The following SCN1A variants were observed in gnomAD, a reference collection of about 807,000 sequenced individuals.
The protein encoded by SCN1A is sodium voltage-gated channel alpha subunit 1, also known as sodium channel protein type 1 subunit alpha.
In SCN1A, 13 loss-of-function variants were observed where a neutral mutation model predicts 193.7. That is an observed-to-expected ratio of 0.07 (90% CI 0.04 to 0.11). SCN1A has a LOEUF of 0.11. Ranked by LOEUF, SCN1A falls within the 10% of genes least tolerant of loss-of-function variation. SCN1A has a pLI of 1.00. For missense variants in SCN1A, 1,432 were observed against 2,451.1 expected, an observed-to-expected ratio of 0.58 and a Z score of 8.78; for synonymous variants, 781 against 843.6, an observed-to-expected ratio of 0.93 and a Z score of 1.29.
At chr2:166,095,970 C>T (rs1054472461) in intron 2 of SCN1A, among the ~76,000 whole-genome samples, 3 of 152,114 alleles carry the variant, frequency 2.0e-5, no homozygotes, top group African/African-American at 7.2e-5. Context: ...CAATATGATA[C>T]AGATGAATAA....
At chr2:166,141,299 C>T (rs569516567) in intron 1 of SCN1A, among the ~76,000 whole-genome samples, 26 of 88,194 alleles carry the variant, frequency 2.9e-4, no homozygotes, top group African/African-American at 1.5e-3. Flanking sequence ...CAGTGGCAAT[C>T]GCTGTTAATT....
At chr2:165,985,777 T>G (rs772944520), downstream of SCN1A, 1 of 152,184 alleles carries the variant, frequency 6.6e-6, no homozygotes, top group African/African-American at 2.4e-5. Context: ...GATATTTCCA[T>G]GTGCCAGGAA....
intron 2 of SCN1A, among the ~76,000 whole-genome samples, chr2:166,124,069 T>A (rs1487903717): frequency 1.3e-5 from 2 of 152,192 alleles, no homozygotes. Flanking sequence ...TATCTTGCAG[T>A]ATTTTTCTTC....
intron 23 of SCN1A, among the ~76,000 whole-genome samples, chr2:166,003,844 T>C (rs542250876): frequency 1.2e-3 from 175 of 147,096 alleles, no homozygotes; most frequent in African/African-American, 4.1e-3. Context: ...GATGCCAGTG[T>C]ATTTTTAGAA....
intron 2 of SCN1A, chr2:166,081,698 TGGTTC>T (rs1277598194): frequency 6.6e-5 from 10 of 151,906 alleles, no homozygotes; most frequent in Admixed American, 2.0e-4. Flanking sequence ...TGAGATTTTT[TGGTTC>T]AATAATGTCC....
intron 2 of SCN1A, among the ~76,000 whole-genome samples, chr2:166,080,357 C>G (rs1169804258): frequency 6.6e-6 from 1 of 151,740 alleles, no homozygotes; most frequent in Non-Finnish European, 1.5e-5. Context: ...ACTTTCCTAA[C>G]AAGAGAAGAC....
Position 166,140,348 on chromosome 2 carries a change from G to A in SCN1A, c.-50+8699C>T, listed in dbSNP as rs73972814. ...ATTACATCACATTAAGCTCATATAA[G>A]GACATAATGGGGGAGAGACATTTCT... On this transcript the variant is annotated intron_variant, in intron 1 of 26. Transcript: ENST00000635750. Among the ~76,000 whole-genome samples, 421 of 152,224 alleles carry A rather than the reference G, an allele frequency of 2.8e-3. 2 individuals carry two copies. The highest frequency in any genetic ancestry group is 9.3e-3 in the African/African-American group (388 of 41,540).
chr2:166,051,621 T>C (rs1043233905), intron 9 of SCN1A, 98 bp downstream of exon 9: 1 of 932,098 alleles, frequency 1.1e-6, no homozygotes, highest in Non-Finnish European at 1.6e-6. Flanking sequence ...AATCACATCA[T>C]GTAAAATGGG....
At chr2:166,142,095 T>C (rs1008255266) in intron 1 of SCN1A, among the ~76,000 whole-genome samples, 3 of 152,126 alleles carry the variant, frequency 2.0e-5, no homozygotes, top group African/African-American at 7.2e-5. Context: ...GAAGAGGAGA[T>C]ACATGTAGGA....
intron 2 of SCN1A, among the ~76,000 whole-genome samples, chr2:166,117,490 A>G (rs1689995142): frequency 6.6e-6 from 1 of 152,242 alleles, no homozygotes; most frequent in South Asian, 2.1e-4. Context: ...ACAGTGAAGA[A>G]TACAATGACA....
chr2:166,087,720 A>C (rs1686299025), intron 2 of SCN1A, among the ~76,000 whole-genome samples: 1 of 152,228 alleles, frequency 6.6e-6, no homozygotes, highest in Non-Finnish European at 1.5e-5. Flanking sequence ...TGGACTAAGA[A>C]ACATGGTCTA....
chr2:166,045,016 G>A, intron 13 of SCN1A, 27 bp downstream of exon 13: 1 of 1,611,826 alleles, frequency 6.2e-7, no homozygotes, highest in Middle Eastern at 1.6e-4. Flanking sequence ...TTTCAACCAT[G>A]CATCAGTAAA....
chr2:166,006,896 C>T (rs1388594317), intron 23 of SCN1A, among the ~76,000 whole-genome samples: 1 of 151,092 alleles, frequency 6.6e-6, no homozygotes, highest in Non-Finnish European at 1.5e-5. Context: ...ATTGTTTTTT[C>T]ACATAATCAT....
In SCN1A at chr2:165,992,403, C is replaced by T. The variant is rs142910512; in HGVS notation, c.4872G>A (p.Leu1624=). ...TAGGGGACACGAAATACTTTTCTAT[C>T]AGCTCGGCAAGAAACATACCTATGA... ...LSIVGMFLAE[L]IEKYFVSPTL... Residue 1624 remains leucine (L), a synonymous_variant, in exon 29 of 29, where the codon CTG becomes CTA. Transcript: ENST00000674923. This position sits in a 1 kb window ranked among gnomAD's most constrained non-coding sequence, Gnocchi z 6.5. The T allele has an allele frequency of 1.7e-4, 279 of 1,613,546 alleles. No individual in the cohort carries two copies. The highest frequency in any genetic ancestry group is 1.1e-3 in the Admixed American group (68 of 59,950).
At chr2:166,001,097 T>C (rs932897575) in intron 24 of SCN1A, among the ~76,000 whole-genome samples, 2 of 151,798 alleles carry the variant, frequency 1.3e-5, no homozygotes, top group Admixed American at 1.3e-4. Context: ...CAAATAAATA[T>C]CATCATGTGT....
In SCN1A at chr2:166,012,483, A is replaced by G. The variant is rs558893057; in HGVS notation, c.3706-201T>C. Among the ~76,000 whole-genome samples the G allele has an allele frequency of 1.4e-4, 21 of 151,294 alleles. No homozygotes were observed. In the East Asian group the frequency reaches 3.7e-3, roughly 27 times the overall value. ...AAAGACTATTGGTGGAAGAAAAAGAAAAGTATGATTCCAATGAATTAATTT... is the reference window on the plus strand; with the variant it reads ...AAAGACTATTGGTGGAAGAAAAAGAGAAGTATGATTCCAATGAATTAATTT... On this transcript the variant is annotated intron_variant, in intron 21 of 28. Coordinates refer to ENST00000674923, the MANE Select transcript of SCN1A (RefSeq NM_001165963.4).
At chr2:166,104,791 G>A (rs1290730538) in intron 2 of SCN1A, among the ~76,000 whole-genome samples, 11 of 152,180 alleles carry the variant, frequency 7.2e-5, no homozygotes, top group Admixed American at 1.3e-4. Flanking sequence ...CTATGAGACC[G>A]CCAAATGATA....
intron 2 of SCN1A, among the ~76,000 whole-genome samples, chr2:166,098,941 C>T (rs1367712138): frequency 2.6e-5 from 4 of 152,140 alleles, no homozygotes; most frequent in Non-Finnish European, 4.4e-5. Context: ...CCACCCAAAG[C>T]AATTTACAGA....
chr2:166,056,371 C>A (rs1574289972), intron 6 of SCN1A, 40 bp downstream of exon 6: 1 of 1,245,058 alleles, frequency 8.0e-7, no homozygotes, highest in Non-Finnish European at 1.2e-6. Flanking sequence ...TTCAAAATCC[C>A]AAATGTATAT....
Sources: allele counts gnomAD v4.1 joint callset (sites outside exome capture counted in the v4.1 genomes callset), GRCh38; gene constraint gnomAD v4.1.1; non-coding constraint Gnocchi (gnomAD v3.1); transcripts MANE v1.5; gene names NCBI Gene and HGNC (gene_info 2026-07-23, HGNC 2026-07-21).